AKR1C8: variants seen among roughly 807,000 people sequenced by gnomAD.
The protein encoded by AKR1C8 is aldo-keto reductase family 1 member C8.
At chr10:5,132,783 G>GA in the AKR1C8 span, 1 of 1,188,564 alleles carries the variant, frequency 8.4e-7, no homozygotes. Context: ...GAGGAGTAAT[G>GA]AAAAGTAGTA....
the AKR1C8 span, among the ~76,000 whole-genome samples, chr10:5,184,834 A>G: frequency 1.3e-5 from 2 of 152,230 alleles, no homozygotes; most frequent in African/African-American, 4.8e-5. Flanking sequence ...TTGCCATGCC[A>G]CTTAAAGCAA....
the AKR1C8 span, among the ~76,000 whole-genome samples, chr10:5,144,488 G>C: frequency 4.0e-5 from 6 of 151,498 alleles, no homozygotes; most frequent in Admixed American, 3.9e-4. Context: ...TCACGATATT[G>C]ATTCTTCCTA....
the AKR1C8 span, chr10:5,132,542 G>C: frequency 7.5e-7 from 1 of 1,329,916 alleles, no homozygotes; most frequent in Non-Finnish European, 9.9e-7. Context: ...TTACAGAATT[G>C]TCATCTCCAC....
the AKR1C8 span, among the ~76,000 whole-genome samples, chr10:5,151,933 C>T: frequency 6.6e-6 from 1 of 152,244 alleles, no homozygotes; most frequent in African/African-American, 2.4e-5. Context: ...ACTCTGGCTT[C>T]TTCCTGCTGA....
chr10:5,172,032 CTGTACTAGG>C, the AKR1C8 span, among the ~76,000 whole-genome samples: 1 of 152,018 alleles, frequency 6.6e-6, no homozygotes, highest in Non-Finnish European at 1.5e-5. Context: ...GATTTTAATT[CTGTACTAGG>C]TGTAGAGACT....
At chr10:5,159,304 C>G in the AKR1C8 span, among the ~76,000 whole-genome samples, 1 of 152,188 alleles carries the variant, frequency 6.6e-6, no homozygotes, top group Admixed American at 6.5e-5. Flanking sequence ...AGGAACATGT[C>G]AAAGTGTGTC....
the AKR1C8 span, among the ~76,000 whole-genome samples, chr10:5,133,347 C>T: frequency 6.6e-6 from 1 of 152,122 alleles, no homozygotes; most frequent in African/African-American, 2.4e-5. Flanking sequence ...CCTGCCTCTG[C>T]CGCCCAAAAT....
chr10:5,129,018 G>A, the AKR1C8 span, among the ~76,000 whole-genome samples: 398 of 152,124 alleles, frequency 2.6e-3, 1 homozygote, highest in African/African-American at 8.5e-3. Context: ...CAAGATAGAC[G>A]ATATGATAGG....
At chr10:5,163,930 A>T in the AKR1C8 span, among the ~76,000 whole-genome samples, 1 of 151,912 alleles carries the variant, frequency 6.6e-6, no homozygotes, top group Non-Finnish European at 1.5e-5. Flanking sequence ...CAACATAGAA[A>T]TGCCCCTGTC....
the AKR1C8 span, among the ~76,000 whole-genome samples, chr10:5,149,418 G>T: frequency 6.6e-6 from 1 of 152,008 alleles, no homozygotes; most frequent in Non-Finnish European, 1.5e-5. Context: ...TTATAAATTG[G>T]CTTTGCTGAA....
chr10:5,171,678 C>A, the AKR1C8 span, among the ~76,000 whole-genome samples: 2 of 151,914 alleles, frequency 1.3e-5, no homozygotes, highest in African/African-American at 4.8e-5. Flanking sequence ...TGTTAAAGAG[C>A]AGGTTAGTGC....
the AKR1C8 span, chr10:5,123,759 A>T: frequency 6.2e-7 from 1 of 1,613,542 alleles, no homozygotes; most frequent in Non-Finnish European, 8.5e-7. Flanking sequence ...AACCAGAACA[A>T]TGTCTTTTGA....
the AKR1C8 span, among the ~76,000 whole-genome samples, chr10:5,116,055 T>C: frequency 6.6e-6 from 1 of 152,128 alleles, no homozygotes; most frequent in Non-Finnish European, 1.5e-5. Context: ...AGGATCTGGG[T>C]CACTTGTAGT....
At chr10:5,115,863 A>G in the AKR1C8 span, among the ~76,000 whole-genome samples, 2 of 152,126 alleles carry the variant, frequency 1.3e-5, no homozygotes, top group African/African-American at 2.4e-5. Context: ...GTTTTAACAA[A>G]AGGAGGAAAT....
the AKR1C8 span, among the ~76,000 whole-genome samples, chr10:5,181,857 AGAT>A: frequency 8.3e-3 from 1,260 of 152,308 alleles, 14 homozygotes; most frequent in African/African-American, 0.029. Context: ...CCACTTCAAA[AGAT>A]GATTTATAAT....
the AKR1C8 span, chr10:5,157,858 C>G: frequency 2.4e-6 from 1 of 424,322 alleles, no homozygotes; most frequent in African/African-American, 2.0e-5. Context: ...ATCTACAGTG[C>G]GCTGCTCCTT....
chr10:5,156,363 C>T, the AKR1C8 span, among the ~76,000 whole-genome samples: 2 of 152,148 alleles, frequency 1.3e-5, no homozygotes, highest in South Asian at 4.1e-4. Context: ...AAGAGTTCTG[C>T]ATTTTTAATA....
chr10:5,165,369 A>G, the AKR1C8 span, among the ~76,000 whole-genome samples: 1 of 152,298 alleles, frequency 6.6e-6, no homozygotes, highest in Non-Finnish European at 1.5e-5. Flanking sequence ...CTAACATTTC[A>G]GACCCTACAA....
chr10:5,121,065 G>A, the AKR1C8 span, among the ~76,000 whole-genome samples: 28,956 of 150,964 alleles, frequency 0.19, 3,688 homozygotes, highest in East Asian at 0.63. Context: ...AGCATAAAAC[G>A]ACATAGAGGC....
Sources: allele counts gnomAD v4.1 joint callset (sites outside exome capture counted in the v4.1 genomes callset), GRCh38; gene constraint gnomAD v4.1.1; transcripts MANE v1.5; gene names NCBI Gene and HGNC (gene_info 2026-07-23, HGNC 2026-07-21).